Variants in PARD3 observed in about 807,000 individuals in gnomAD.
PARD3 encodes the protein partitioning defective 3 homolog.
In PARD3, 75 loss-of-function variants were observed where a neutral mutation model predicts 155.4. That is an observed-to-expected ratio of 0.48 (90% CI 0.40 to 0.58). The LOEUF (loss-of-function observed/expected upper bound fraction) is 0.58, where lower values mean the gene tolerates loss of function less well. PARD3 is among the 20% of genes least tolerant of loss of function. The probability of loss-of-function intolerance (pLI) is 0.00; values close to 1 mark genes in which losing one functional copy is unlikely to be tolerated. For missense variants in PARD3, 1,642 were observed against 1,721.7 expected (o/e 0.95, Z 0.82); for synonymous variants, 576 against 610.5 (o/e 0.94, Z 0.83).
intron 3 of PARD3, among the ~76,000 whole-genome samples, chr10:34,482,695 T>C (rs947043768): frequency 3.3e-5 from 5 of 152,214 alleles, no homozygotes; most frequent in East Asian, 1.9e-4. Context: ...AGATTCTTTT[T>C]GTACTTTCAG....
chr10:34,766,339 A>G (rs1397648045), intron 1 of PARD3, among the ~76,000 whole-genome samples: 1 of 152,192 alleles, frequency 6.6e-6, no homozygotes, highest in African/African-American at 2.4e-5. Flanking sequence ...AAGGTACAAG[A>G]GCAGATTTAA....
chr10:34,702,021 C>T (rs1219201222), intron 1 of PARD3, among the ~76,000 whole-genome samples: 5 of 151,892 alleles, frequency 3.3e-5, no homozygotes, highest in Non-Finnish European at 7.4e-5. Context: ...AACAATTAGC[C>T]GGGCATAGTG....
chr10:34,715,673 G>A (rs1345526530), intron 1 of PARD3, among the ~76,000 whole-genome samples: 7 of 152,152 alleles, frequency 4.6e-5, no homozygotes, highest in South Asian at 4.1e-4. Context: ...ATGTTTTACC[G>A]TTTATCACCA....
rs755192677 is a variant in PARD3, at chr10:34,562,383, GC to G, written c.223-45225del. ...ACCAGGGAGTCAGAGGTTGCAGTGA[GC>G]CAAGATCACACAACTGCACTCCAGC... On this transcript the variant is annotated intron_variant, in intron 2 of 24. Coordinates refer to ENST00000374788, the MANE Select transcript of PARD3 (RefSeq NM_001184785.2). Among the ~76,000 whole-genome samples the G allele has an allele frequency of 2.9e-4, 44 of 152,016 alleles. 1 individual carries two copies. The East Asian group carries it at 6.2e-3, about 22-fold the overall frequency.
chr10:34,183,284 G>C (rs1437460967), intron 22 of PARD3, among the ~76,000 whole-genome samples: 1 of 152,212 alleles, frequency 6.6e-6, no homozygotes, highest in Non-Finnish European at 1.5e-5. Flanking sequence ...CTGGAGTGCA[G>C]CGGGGTGATC....
chr10:34,627,428 G>A (rs555093927), intron 2 of PARD3, among the ~76,000 whole-genome samples: 2 of 152,236 alleles, frequency 1.3e-5, no homozygotes, highest in East Asian at 1.9e-4. Flanking sequence ...CTTGGAGATC[G>A]GATCTTTATT....
At chr10:34,232,373 G>A (rs973549443) in intron 22 of PARD3, among the ~76,000 whole-genome samples, 5 of 152,086 alleles carry the variant, frequency 3.3e-5, no homozygotes, top group Admixed American at 6.5e-5. Context: ...GCTCTGCAGC[G>A]TCACAGCACA....
At chr10:34,260,961 T>C (rs1164266111) in intron 22 of PARD3, among the ~76,000 whole-genome samples, 1 of 152,206 alleles carries the variant, frequency 6.6e-6, no homozygotes, top group African/African-American at 2.4e-5. Context: ...AGGTCTTTTC[T>C]TTTAAAATCG....
chr10:34,570,489 A>AC (rs1222451078), intron 2 of PARD3, among the ~76,000 whole-genome samples: 1 of 152,164 alleles, frequency 6.6e-6, no homozygotes, highest in Non-Finnish European at 1.5e-5. Flanking sequence ...AAAATTTTTT[A>AC]CCCTAATGCT....
chr10:34,729,782 C>T (rs534232560), intron 1 of PARD3, among the ~76,000 whole-genome samples: 4 of 152,192 alleles, frequency 2.6e-5, no homozygotes, highest in South Asian at 2.1e-4. Flanking sequence ...CTGGAGGAGC[C>T]GGAAAAGTAA....
intron 22 of PARD3, among the ~76,000 whole-genome samples, chr10:34,157,323 A>G (rs1949056205): frequency 6.6e-6 from 1 of 152,144 alleles, no homozygotes; most frequent in African/African-American, 2.4e-5. Flanking sequence ...CTGTTTGTTT[A>G]CTGGACTTGC....
chr10:34,643,596 A>C (rs1202661063), intron 2 of PARD3, among the ~76,000 whole-genome samples: 2 of 152,384 alleles, frequency 1.3e-5, no homozygotes, highest in East Asian at 3.9e-4. Flanking sequence ...ATTACACTTT[A>C]AAACAGCATC....
At chr10:34,675,026 T>C (rs1461824817) in intron 2 of PARD3, among the ~76,000 whole-genome samples, 1 of 152,212 alleles carries the variant, frequency 6.6e-6, no homozygotes, top group East Asian at 1.9e-4. Flanking sequence ...TTTGCTTTGC[T>C]TCTTACCTTT....
intron 22 of PARD3, among the ~76,000 whole-genome samples, chr10:34,157,943 A>G (rs1949092539): frequency 6.6e-6 from 1 of 152,254 alleles, no homozygotes; most frequent in African/African-American, 2.4e-5. Context: ...TATTTCATGT[A>G]GCAACCAGCA....
chr10:34,440,045 T>C (rs2132645357), intron 5 of PARD3, among the ~76,000 whole-genome samples: 1 of 152,236 alleles, frequency 6.6e-6, no homozygotes, highest in Admixed American at 6.5e-5. Flanking sequence ...GGCAAAATGT[T>C]TGAACACTGA....
chr10:34,627,328 G>A (rs1470976459), intron 2 of PARD3, among the ~76,000 whole-genome samples: 1 of 152,182 alleles, frequency 6.6e-6, no homozygotes, highest in East Asian at 1.9e-4. Flanking sequence ...GTGCCCAGCT[G>A]CCCATCTATT....
intron 2 of PARD3, among the ~76,000 whole-genome samples, chr10:34,549,760 C>T (rs2084386812): frequency 6.6e-6 from 1 of 152,062 alleles, no homozygotes; most frequent in Non-Finnish European, 1.5e-5. Flanking sequence ...AACTTCATTT[C>T]AAACTGTAAA....
chr10:34,153,847 A>G (rs560524878), intron 22 of PARD3, among the ~76,000 whole-genome samples: 1 of 152,342 alleles, frequency 6.6e-6, no homozygotes, highest in East Asian at 1.9e-4. Flanking sequence ...CACTATTTAC[A>G]GTATCTTCTT....
chr10:34,398,597 A>T (rs556734626), intron 7 of PARD3, among the ~76,000 whole-genome samples: 2 of 152,234 alleles, frequency 1.3e-5, no homozygotes, highest in South Asian at 4.1e-4. Context: ...ATGGGAAAGG[A>T]TGCGGTGCAC....
Sources: gnomAD v4.1 joint callset for allele counts (sites outside exome capture counted in the v4.1 genomes callset) on GRCh38, gnomAD v4.1.1 for gene constraint, MANE v1.5 for transcripts, NCBI Gene and HGNC (gene_info 2026-07-23, HGNC 2026-07-21) for gene names.